Variants in SUPT7L observed in about 807,000 individuals in gnomAD.
SUPT7L encodes STAGA complex 65 subunit gamma.
SUPT7L carries 15 observed loss-of-function variants against 35.7 expected under a neutral mutation model. The ratio of observed to expected loss-of-function variants is 0.42; its 90% confidence interval spans 0.28 to 0.65. The LOEUF (loss-of-function observed/expected upper bound fraction) is 0.65. Ranked by LOEUF, SUPT7L falls within the 30% of genes least tolerant of loss-of-function variation. The pLI is 0.23. For missense variants in SUPT7L, 434 were observed against 522.2 expected, an observed-to-expected ratio of 0.83 and a Z score of 1.65; for synonymous variants, 168 against 186.2, an observed-to-expected ratio of 0.90 and a Z score of 0.79.
At position 27,653,586 on chromosome 2, in the gene SUPT7L, C is replaced by G. The variant is rs752221996; in HGVS notation, c.1144G>C (p.Asp382His). Reference protein sequence around the residue: ...MSEAGIPQSPDDSDSSYGSHS... With the variant: ...MSEAGIPQSPHDSDSSYGSHS... ...GAACCATAGCTGCTATCTGAGTCAT[C>G]AGGGCTCTGAGGAATCCCAGCTTCA... The change falls in exon 6 of 6, where the codon GAT (aspartate) becomes CAT (histidine). Residue 382 changes from aspartate to histidine, a missense_variant. Physicochemically the swap from Asp to His is moderately conservative, Grantham distance 81. Transcript: ENST00000337768. The G allele has an allele frequency of 3.7e-6, 6 of 1,614,110 alleles. No individual in the cohort carries two copies. The South Asian group carries it at 4.4e-5, about 12-fold the overall frequency.
chr2:27,645,124 C>T, the SUPT7L span, among the ~76,000 whole-genome samples: 18 of 152,076 alleles, frequency 1.2e-4, no homozygotes, highest in Admixed American at 3.3e-4. Context: ...TGTGCCACCA[C>T]GTCTGGCTAG....
chr2:27,661,978 TA>T, intron 2 of SUPT7L, 200 bp downstream of exon 2: 1 of 689,846 alleles, frequency 1.4e-6, no homozygotes, highest in Non-Finnish European at 2.4e-6. Flanking sequence ...ACTTTTGACA[TA>T]TAGAACGTGA....
rs1008889123 is a variant in SUPT7L at position 27,661,055 on chromosome 2, C to T, written c.348G>A (p.Leu116=). ...PGSPPLPDDL[L]PLDCKNPNAP... ...CATTGGGATTCTTACAATCTAAAGGCAGGAGGTCATCAGGGAGAGGAGGTG... is the reference window on the plus strand; with the variant it reads ...CATTGGGATTCTTACAATCTAAAGGTAGGAGGTCATCAGGGAGAGGAGGTG... Residue 116 remains leucine, a synonymous_variant, in exon 3 of 6, where the codon CTG becomes CTA. Coordinates refer to ENST00000337768, the MANE Select transcript of SUPT7L (RefSeq NM_014860.3). 2 of 1,614,002 alleles carry T rather than the reference C, an allele frequency of 1.2e-6. No individual in the cohort carries two copies. Among genetic ancestry groups the T allele is most frequent in the African/African-American group, 1.3e-5 (1 of 74,882 alleles).
chr2:27,657,738 G>T lies in SUPT7L; in HGVS notation c.420-69C>A, dbSNP rs1361050197. The T allele has an allele frequency of 8.4e-6, 12 of 1,433,658 alleles. No homozygotes were observed. The highest frequency in any genetic ancestry group is 1.1e-5 in the Non-Finnish European group (12 of 1,067,998). The allele number at this position is 1,433,658 out of a possible 1,614,324, so 88.8% of individuals were successfully genotyped here. A position where few individuals can be genotyped will look rare whatever the true frequency, so the allele number is the denominator to read the frequency against. On this transcript the variant is annotated intron_variant, in intron 3 of 5. Transcript: ENST00000337768. This position sits in a 1 kb window ranked among gnomAD's most constrained non-coding sequence, Gnocchi z 5.2. The stretch of plus-strand genomic sequence containing the variant: ...GGGTGACCCCTCCTGTCTTCCCCAG[G>T]AGTTTTACAATTCCAGTCAAGCCAC...
intron 5 of SUPT7L, among the ~76,000 whole-genome samples, chr2:27,654,067 GC>G (rs1674683649): frequency 6.6e-6 from 1 of 152,118 alleles, no homozygotes; most frequent in East Asian, 1.9e-4. Flanking sequence ...CCAAAGACAT[GC>G]ACAACCACAG....
rs980163161 is a variant in SUPT7L, at chr2:27,652,696, T to C, written c.*789A>G. On this transcript the variant is annotated 3_prime_UTR_variant, in exon 6 of 6. Transcript: ENST00000337768. ...CCAAGCAAATGCAACAAATGAAATATGCACAAGGCTGTCCTTGGACAGTAC... is the reference window on the plus strand; with the variant it reads ...CCAAGCAAATGCAACAAATGAAATACGCACAAGGCTGTCCTTGGACAGTAC... The C allele has an allele frequency of 6.5e-6, 1 of 152,814 alleles. No homozygotes were observed. The highest frequency in any genetic ancestry group is 2.4e-5 in the African/African-American group (1 of 41,460). The allele number at this position is 152,814 out of a possible 1,614,324, so 9.5% of individuals were successfully genotyped here. A position where few individuals can be genotyped will look rare whatever the true frequency, so the allele number is the denominator to read the frequency against.
chr2:27,657,661 C>T lies in SUPT7L; in HGVS notation c.428G>A (p.Gly143Glu). Residue 143 changes from glycine to glutamate, a missense_variant, in exon 4 of 6, where the codon GGG becomes GAG. Physicochemically the swap from Gly to Glu is moderately conservative, Grantham distance 98. Around this residue, in one of 3 missense-constraint regions of SUPT7L, gnomAD observed 198 missense variants for 190.8 expected, o/e 1.04. Coordinates refer to ENST00000337768, the MANE Select transcript of SUPT7L (RefSeq NM_014860.3). This position sits in a 1 kb window ranked among gnomAD's most constrained non-coding sequence, Gnocchi z 5.2. ...CCAGCTGAGTTCAGTCACAGGTTCC[C>T]CTTTCCCACTGAAAGTGGAGATACG... Reference protein sequence around the residue: ...DPESDFYRGKGEPVTELSWHS... With the variant: ...DPESDFYRGKEEPVTELSWHS... The T allele has an allele frequency of 6.2e-7, 1 of 1,610,856 alleles. No individual in the cohort carries two copies. The highest frequency in any genetic ancestry group is 8.5e-7 in the Non-Finnish European group (1 of 1,177,826).
rs747404460 is a variant in SUPT7L, at chr2:27,661,165, T to C, written c.238A>G (p.Ile80Val). The change falls in exon 3 of 6, where the codon ATT (isoleucine) becomes GTT (valine). Residue 80 changes from isoleucine (I) to valine (V), a missense_variant. Ile to Val is a conservative substitution (Grantham distance 29, BLOSUM62 3). Transcript: ENST00000337768. The stretch of plus-strand genomic sequence containing the variant: ...TGATTCTGGGCCTGAGCTGTGGCAA[T>C]AAGGTTGCGAAGACGTCGGTTGTGC... The part of the protein sequence containing the change: ...IQHNRRLRNL[I>V]ATAQAQNQQQ... 9 of 1,614,142 alleles carry C rather than the reference T, an allele frequency of 5.6e-6. No individual in the cohort carries two copies. The South Asian group carries it at 6.6e-5, about 12-fold the overall frequency.
the SUPT7L span, among the ~76,000 whole-genome samples, chr2:27,642,954 TATATACAC>T: frequency 1.6e-3 from 74 of 46,848 alleles, no homozygotes; most frequent in African/African-American, 3.0e-3. Context: ...TATATATATA[TATATACAC>T]ACACACACAC....
At position 27,657,802 on chromosome 2, in the gene SUPT7L, A is replaced by G. The variant is rs774373970; in HGVS notation, c.420-133T>C. ...CAGGGAAATTCCATCCAAGTTACAT[A>G]GCTCAGTTTCATCCTGCTGCTATCT... On this transcript the variant is annotated intron_variant, in intron 3 of 5. Coordinates refer to ENST00000337768, the MANE Select transcript of SUPT7L (RefSeq NM_014860.3). This position sits in a 1 kb window ranked among gnomAD's most constrained non-coding sequence, Gnocchi z 5.2. The G allele has an allele frequency of 7.6e-5, 64 of 841,794 alleles. No homozygotes were observed. The highest frequency in any genetic ancestry group is 1.1e-4 in the Non-Finnish European group (62 of 553,110). 52.1% of individuals were successfully genotyped at this position (841,794 alleles called of 1,614,324 possible).
the SUPT7L span, among the ~76,000 whole-genome samples, chr2:27,645,113 G>C: frequency 1.3e-5 from 2 of 152,074 alleles, no homozygotes; most frequent in Non-Finnish European, 2.9e-5. Flanking sequence ...ATCTACAGGT[G>C]TGTGCCACCA....
At position 27,651,740 on chromosome 2, in the gene SUPT7L, TAATTGGTAC is replaced by T. The variant is rs1325618161; in HGVS notation, c.*1736_*1744del. On this transcript the variant is annotated 3_prime_UTR_variant, in exon 6 of 6. Transcript: ENST00000337768. ...TATTCCTTGCACAGGACCTAGCAAA[TAATTGGTAC>T]TCAATGTTTGCTGGATGAATGAACT... 1 of 152,202 alleles carries T rather than the reference TAATTGGTAC, an allele frequency of 6.6e-6. No homozygotes were observed. Among genetic ancestry groups the T allele is most frequent in the Non-Finnish European group, 1.5e-5 (1 of 68,036 alleles). The allele number at this position is 152,202 out of a possible 1,614,324, so 9.4% of individuals were successfully genotyped here. A position where few individuals can be genotyped will look rare whatever the true frequency, so the allele number is the denominator to read the frequency against.
chr2:27,648,358 A>G (rs1674345883), downstream of SUPT7L, among the ~76,000 whole-genome samples: 1 of 152,078 alleles, frequency 6.6e-6, no homozygotes. Flanking sequence ...ACTCTCTACA[A>G]AAAAGAAAAA....
chr2:27,642,641 A>G, the SUPT7L span: 1 of 619,178 alleles, frequency 1.6e-6, no homozygotes, highest in Non-Finnish European at 2.9e-6. Flanking sequence ...TCGGCTCACC[A>G]CAACCTCCAC....
In SUPT7L at chr2:27,653,400, C is replaced by A; in HGVS notation, c.*85G>T. On this transcript the variant is annotated 3_prime_UTR_variant, in exon 6 of 6. Coordinates refer to ENST00000337768, the MANE Select transcript of SUPT7L (RefSeq NM_014860.3). ...TTGTGTTTAAGAACAGGAGTCAAATCAATTTTTAAGGAAACAGATTCTAAT... is the reference window on the plus strand; with the variant it reads ...TTGTGTTTAAGAACAGGAGTCAAATAAATTTTTAAGGAAACAGATTCTAAT... 1 of 1,513,784 alleles carries A rather than the reference C, an allele frequency of 6.6e-7. No individual in the cohort carries two copies. The highest frequency in any genetic ancestry group is 1.4e-5 in the African/African-American group (1 of 72,132). 93.8% of individuals were successfully genotyped at this position (1,513,784 alleles called of 1,614,324 possible).
intron 5 of SUPT7L, among the ~76,000 whole-genome samples, chr2:27,654,931 C>CT (rs1410879273): frequency 1.3e-5 from 2 of 152,164 alleles, no homozygotes; most frequent in East Asian, 3.9e-4. Context: ...AAGCCAAACT[C>CT]TGAGAACATC....
At chr2:27,645,361 C>T in the SUPT7L span, among the ~76,000 whole-genome samples, 2 of 152,038 alleles carry the variant, frequency 1.3e-5, no homozygotes, top group African/African-American at 4.8e-5. Flanking sequence ...AATTATGTTT[C>T]AATATCTGCT....
At position 27,651,227 on chromosome 2, in the gene SUPT7L, T is replaced by G. The variant is rs865782117; in HGVS notation, c.*2258A>C. On this transcript the variant is annotated 3_prime_UTR_variant, in exon 6 of 6. Transcript: ENST00000337768. ...AGTCAGTACTCCAACTTAGTGGTTC[T>G]CACATTGTGGACCAGGAGCATCAGC... 6.6e-6 allele frequency: 1 copy of G among 152,304 alleles called. No individual in the cohort carries two copies. The highest frequency in any genetic ancestry group is 1.5e-5 in the Non-Finnish European group (1 of 68,064). 9.4% of individuals were successfully genotyped at this position (152,304 alleles called of 1,614,324 possible).
intron 2 of SUPT7L, chr2:27,661,725 C>T: frequency 1.2e-6 from 1 of 802,394 alleles, no homozygotes; most frequent in Non-Finnish European, 1.7e-6. Context: ...ACAACAGCAT[C>T]TGGAGCTCTA....
Sources: gnomAD v4.1 joint callset for allele counts (sites outside exome capture counted in the v4.1 genomes callset) on GRCh38, gnomAD v4.1.1 for gene constraint, gnomAD v4.1.1 regional missense constraint, Gnocchi (gnomAD v3.1) non-coding constraint, MANE v1.5 for transcripts, NCBI Gene and HGNC (gene_info 2026-07-23, HGNC 2026-07-21) for gene names.